The following CTTNBP2NL variants were observed in gnomAD, a reference collection of about 807,000 sequenced individuals.
CTTNBP2NL encodes CTTNBP2 N-terminal like, also known as CTTNBP2 N-terminal-like protein.
In CTTNBP2NL, 16 loss-of-function variants were observed where a neutral mutation model predicts 32.5. The observed-to-expected ratio is 0.49, with a 90% CI of 0.33 to 0.75. The LOEUF is 0.75. Among genes scored for constraint, CTTNBP2NL ranks in the 30% least tolerant of loss-of-function variants. The pLI, the probability that CTTNBP2NL is intolerant of heterozygous loss-of-function variation, is 0.02. For missense variants in CTTNBP2NL, 645 were observed against 756.0 expected (o/e 0.85, Z 1.72); for synonymous variants, 298 against 289.4 (o/e 1.03, Z -0.30).
chr1:112,455,951 A>C lies in CTTNBP2NL; in HGVS notation c.459A>C (p.Gln153His). The change falls in exon 6 of 6, where the codon CAA (glutamine) becomes CAC (histidine). Residue 153 changes from glutamine to histidine, a missense_variant. Coordinates refer to ENST00000271277, the MANE Select transcript of CTTNBP2NL (RefSeq NM_018704.3). Reference sequence around the variant, plus strand: ...TCTAGTTGGAATTTGAAAAATCCCAAGTGAAAAAGTTTGAAAAAGAACAGA... The same window carrying C: ...TCTAGTTGGAATTTGAAAAATCCCACGTGAAAAAGTTTGAAAAAGAACAGA... The part of the protein sequence containing the change: ...LTQQLEFEKS[Q>H]VKKFEKEQKK... 1 of 1,579,838 alleles carries C rather than the reference A, an allele frequency of 6.3e-7. No individual in the cohort carries two copies. The highest frequency in any genetic ancestry group is 2.2e-5 in the East Asian group (1 of 44,618).
rs770543465 is a variant in CTTNBP2NL, at chr1:112,454,399, A to C, written c.331-50A>C. 6 of 1,381,520 alleles carry C rather than the reference A, an allele frequency of 4.3e-6. No homozygotes were observed. The East Asian group carries it at 9.2e-5, about 21-fold the overall frequency. 85.6% of individuals were successfully genotyped at this position (1,381,520 alleles called of 1,614,324 possible). The stretch of plus-strand genomic sequence containing the variant: ...GGCACTTATTATTGGTTGTATTAAT[A>C]AATGTGACTCCTTGATATTTGAAAA... On this transcript the variant is annotated intron_variant, in intron 4 of 5. Transcript: ENST00000271277.
At chr1:112,403,036 C>G (rs1416541020) in intron 1 of CTTNBP2NL, among the ~76,000 whole-genome samples, 2 of 152,162 alleles carry the variant, frequency 1.3e-5, no homozygotes, top group South Asian at 2.1e-4. Context: ...ATTATTTCCC[C>G]TCTTACCTCC....
At chr1:112,453,731 G>A (rs1650289704) in intron 4 of CTTNBP2NL, among the ~76,000 whole-genome samples, 1 of 152,146 alleles carries the variant, frequency 6.6e-6, no homozygotes, top group East Asian at 1.9e-4. Flanking sequence ...TCCAGCCTGG[G>A]TGACAAAGCA....
chr1:112,435,532 A>G (rs1649705439), intron 3 of CTTNBP2NL, among the ~76,000 whole-genome samples: 1 of 152,134 alleles, frequency 6.6e-6, no homozygotes, highest in Admixed American at 6.5e-5. Flanking sequence ...CAGAAAAGAA[A>G]CTTAACTTTA....
At chr1:112,407,906 G>A (rs561425733) in intron 1 of CTTNBP2NL, among the ~76,000 whole-genome samples, 129 of 134,556 alleles carry the variant, frequency 9.6e-4, no homozygotes, top group African/African-American at 3.3e-3. Context: ...GTGCAGTGAC[G>A]TAATCTTGCC....
chr1:112,441,609 G>C (rs1649893672), intron 3 of CTTNBP2NL, among the ~76,000 whole-genome samples: 1 of 152,148 alleles, frequency 6.6e-6, no homozygotes. Context: ...CTAACTTTAT[G>C]AGAAATTTCC....
intron 1 of CTTNBP2NL, among the ~76,000 whole-genome samples, chr1:112,411,433 T>C (rs1272395450): frequency 6.6e-6 from 1 of 152,224 alleles, no homozygotes; most frequent in Admixed American, 6.5e-5. Flanking sequence ...ATTTAACATC[T>C]GATCATAAAT....
intron 3 of CTTNBP2NL, among the ~76,000 whole-genome samples, chr1:112,446,197 G>GGA (rs547455020): frequency 1.4e-5 from 2 of 144,580 alleles, no homozygotes; most frequent in Non-Finnish European, 1.5e-5. Context: ...TAAAAAAGTG[G>GGA]AAAAAAAAAA....
At chr1:112,419,677 T>C (rs1349596178) in intron 3 of CTTNBP2NL, among the ~76,000 whole-genome samples, 1 of 152,224 alleles carries the variant, frequency 6.6e-6, no homozygotes, top group African/African-American at 2.4e-5. Context: ...ATGAAAAACG[T>C]AAAATTGAAC....
chr1:112,416,632 A>G (rs926735221), intron 3 of CTTNBP2NL, among the ~76,000 whole-genome samples: 3 of 151,942 alleles, frequency 2.0e-5, no homozygotes, highest in Non-Finnish European at 2.9e-5. Context: ...AGCTGGGACT[A>G]CAGGCGCACA....
upstream of CTTNBP2NL, among the ~76,000 whole-genome samples, chr1:112,391,636 C>G (rs551394019): frequency 4.5e-4 from 69 of 152,310 alleles, no homozygotes; most frequent in Middle Eastern, 6.8e-3. Context: ...CCATAGCTCT[C>G]CTCCTAGCTA....
rs1352936554 is a variant in CTTNBP2NL at position 112,457,652 on chromosome 1, A to G, written c.*240A>G. The G allele has an allele frequency of 4.5e-6, 2 of 444,890 alleles. No individual in the cohort carries two copies. Among genetic ancestry groups the G allele is most frequent in the African/African-American group, 4.0e-5 (2 of 50,358 alleles). The allele number at this position is 444,890 out of a possible 1,614,324, so 27.6% of individuals were successfully genotyped here. On this transcript the variant is annotated 3_prime_UTR_variant, in exon 6 of 6. Transcript: ENST00000271277. The stretch of plus-strand genomic sequence containing the variant: ...ACCTCAAAGATGTCTCAAGCTCAGC[A>G]GTCACCGTCATGTTGTGATGAAGAA...
At chr1:112,425,956 CGTGTGTGTGTGTGTGTGT>C (rs376135147) in intron 3 of CTTNBP2NL, among the ~76,000 whole-genome samples, 6 of 119,764 alleles carry the variant, frequency 5.0e-5, no homozygotes, top group African/African-American at 1.5e-4. Context: ...ATCTGGATGC[CGTGTGTGTGTGTGTGTGT>C]GTGTGTGTGT....
At chr1:112,400,430 G>A (rs894915020) in intron 1 of CTTNBP2NL, among the ~76,000 whole-genome samples, 1 of 152,210 alleles carries the variant, frequency 6.6e-6, no homozygotes, top group Non-Finnish European at 1.5e-5. Flanking sequence ...GGAGGCCGAA[G>A]CGGGTGGATC....
At chr1:112,436,898 G>A (rs1264813653) in intron 3 of CTTNBP2NL, among the ~76,000 whole-genome samples, 1 of 152,142 alleles carries the variant, frequency 6.6e-6, no homozygotes, top group Non-Finnish European at 1.5e-5. Flanking sequence ...AAGTGAGAAC[G>A]TGTGGTATTT....
intron 3 of CTTNBP2NL, among the ~76,000 whole-genome samples, chr1:112,427,782 G>C (rs1649444441): frequency 6.6e-6 from 1 of 151,794 alleles, no homozygotes; most frequent in African/African-American, 2.4e-5. Flanking sequence ...TGTAGTCCCA[G>C]CTACTTGGGA....
At chr1:112,438,611 G>A (rs1157493817) in intron 3 of CTTNBP2NL, among the ~76,000 whole-genome samples, 1 of 152,172 alleles carries the variant, frequency 6.6e-6, no homozygotes, top group Non-Finnish European at 1.5e-5. Context: ...TAGGAGTGGT[G>A]AGAGAGGGCA....
At chr1:112,444,329 G>A (rs1015869343) in intron 3 of CTTNBP2NL, among the ~76,000 whole-genome samples, 1 of 152,204 alleles carries the variant, frequency 6.6e-6, no homozygotes, top group African/African-American at 2.4e-5. Flanking sequence ...TGGAGAGGAG[G>A]TGACTACTTC....
rs1648893059 is a variant in CTTNBP2NL at position 112,412,235 on chromosome 1, A to C, written c.-92A>C. 6.6e-6 allele frequency: 1 copy of C among 152,190 alleles called. No individual in the cohort carries two copies. The highest frequency in any genetic ancestry group is 2.4e-5 in the African/African-American group (1 of 41,452). 9.4% of individuals were successfully genotyped at this position (152,190 alleles called of 1,614,324 possible). ...ACCATGCTAATGGCATTTTAAATAT[A>C]TTTGGCAATTTTCCCAATTTTTTAC... On this transcript the variant is annotated 5_prime_UTR_variant, in exon 2 of 6. Coordinates refer to ENST00000271277, the MANE Select transcript of CTTNBP2NL (RefSeq NM_018704.3).
Sources: allele counts gnomAD v4.1 joint callset (sites outside exome capture counted in the v4.1 genomes callset), GRCh38; gene constraint gnomAD v4.1.1; transcripts MANE v1.5; gene names NCBI Gene and HGNC (gene_info 2026-07-23, HGNC 2026-07-21).